Variants in SORCS3 observed in about 807,000 individuals in gnomAD.
The protein encoded by SORCS3 is sortilin related VPS10 domain containing receptor 3.
A neutral mutation model predicts 146.3 loss-of-function variants in SORCS3; 57 were observed. The ratio of observed to expected loss-of-function variants is 0.39; its 90% confidence interval spans 0.31 to 0.49. The LOEUF is 0.49. Ranked by LOEUF, SORCS3 falls within the 20% of genes least tolerant of loss-of-function variation. The pLI, the probability that SORCS3 is intolerant of heterozygous loss-of-function variation, is 0.92. For missense variants in SORCS3, 1,341 were observed against 1,575.5 expected, an observed-to-expected ratio of 0.85 and a Z score of 2.52; for synonymous variants, 653 against 618.5, an observed-to-expected ratio of 1.06 and a Z score of -0.83.
chr10:104,978,087 G>A (rs2054911870), intron 4 of SORCS3, among the ~76,000 whole-genome samples: 1 of 152,080 alleles, frequency 6.6e-6, no homozygotes, highest in South Asian at 2.1e-4. Flanking sequence ...AAACAACCCT[G>A]TGAAAGAAGT....
intron 7 of SORCS3, among the ~76,000 whole-genome samples, chr10:105,106,407 G>A (rs1028843791): frequency 6.6e-6 from 1 of 152,180 alleles, no homozygotes; most frequent in African/African-American, 2.4e-5. Context: ...CAAGCTCAGT[G>A]TGACTCTCCA....
intron 16 of SORCS3, among the ~76,000 whole-genome samples, chr10:105,210,461 A>T (rs2056626714): frequency 6.6e-6 from 1 of 152,158 alleles, no homozygotes; most frequent in African/African-American, 2.4e-5. Context: ...AGTCTTCTGA[A>T]ACTCCAAGAA....
intron 1 of SORCS3, among the ~76,000 whole-genome samples, chr10:104,652,959 C>T (rs1396455078): frequency 6.6e-6 from 1 of 152,168 alleles, no homozygotes; most frequent in Non-Finnish European, 1.5e-5. Context: ...TAGCATAAGA[C>T]ATGTGCTAAT....
intron 24 of SORCS3, among the ~76,000 whole-genome samples, chr10:105,256,164 T>C (rs1306512924): frequency 6.6e-6 from 1 of 152,232 alleles, no homozygotes; most frequent in African/African-American, 2.4e-5. Flanking sequence ...TTCGATTATC[T>C]GATTTTATGA....
chr10:104,959,033 G>C (rs1286289476), intron 3 of SORCS3, among the ~76,000 whole-genome samples: 1 of 152,120 alleles, frequency 6.6e-6, no homozygotes, highest in African/African-American at 2.4e-5. Context: ...GGGGCATGGA[G>C]ACAAACCATA....
intron 3 of SORCS3, among the ~76,000 whole-genome samples, chr10:104,923,243 A>T (rs768088994): frequency 1.3e-5 from 2 of 152,134 alleles, no homozygotes; most frequent in Non-Finnish European, 2.9e-5. Context: ...ATCCACATTT[A>T]ATTTCTGTGG....
At chr10:105,059,142 G>T (rs1056574850) in intron 5 of SORCS3, among the ~76,000 whole-genome samples, 1 of 152,020 alleles carries the variant, frequency 6.6e-6, no homozygotes, top group African/African-American at 2.4e-5. Context: ...GAAAACCAGG[G>T]AGACAAATTA....
At chr10:104,879,063 T>A (rs566011136) in intron 2 of SORCS3, among the ~76,000 whole-genome samples, 7 of 152,352 alleles carry the variant, frequency 4.6e-5, no homozygotes, top group Admixed American at 1.3e-4. Flanking sequence ...AGGATTCAAC[T>A]TTGGAGCACT....
chr10:105,132,738 G>C (rs1160574897), intron 7 of SORCS3, among the ~76,000 whole-genome samples: 1 of 152,152 alleles, frequency 6.6e-6, no homozygotes, highest in African/African-American at 2.4e-5. Context: ...AATTAAACCT[G>C]TAAAATGGAA....
At chr10:105,194,274 A>G (rs1163234743) in intron 14 of SORCS3, among the ~76,000 whole-genome samples, 1 of 152,176 alleles carries the variant, frequency 6.6e-6, no homozygotes, top group Non-Finnish European at 1.5e-5. Context: ...ATTTTGAGCC[A>G]AGCCTATTGA....
At chr10:104,903,278 AT>A (rs1564709751) in intron 2 of SORCS3, among the ~76,000 whole-genome samples, 1 of 152,192 alleles carries the variant, frequency 6.6e-6, no homozygotes, top group Non-Finnish European at 1.5e-5. Context: ...TGCCACAGTG[AT>A]TTAGGGTGAC....
chr10:104,886,559 T>TATCTATCTATCC (rs1554857183), intron 2 of SORCS3, among the ~76,000 whole-genome samples: 53 of 66,488 alleles, frequency 8.0e-4, no homozygotes, highest in Non-Finnish European at 1.9e-3. Context: ...CTCTATCATC[T>TATCTATCTATCC]ATCTATCTAT....
chr10:105,054,529 A>C (rs2055433660), intron 5 of SORCS3, among the ~76,000 whole-genome samples: 1 of 151,786 alleles, frequency 6.6e-6, no homozygotes. Flanking sequence ...TAACTTAATA[A>C]TTTTCCATAC....
At chr10:104,969,640 C>T (rs1278629412) in intron 3 of SORCS3, among the ~76,000 whole-genome samples, 1 of 152,050 alleles carries the variant, frequency 6.6e-6, no homozygotes, top group African/African-American at 2.4e-5. Flanking sequence ...ATGAGAATGT[C>T]AGAGAAAGGT....
intron 7 of SORCS3, among the ~76,000 whole-genome samples, chr10:105,109,357 A>T (rs17118366): frequency 0.11 from 17,122 of 151,876 alleles, 1,047 homozygotes; most frequent in East Asian, 0.17. Context: ...CCTTTTTCCA[A>T]CCCCAGTTTG....
intron 1 of SORCS3, among the ~76,000 whole-genome samples, chr10:104,732,372 G>T (rs1356012131): frequency 6.6e-6 from 1 of 152,216 alleles, no homozygotes; most frequent in Non-Finnish European, 1.5e-5. Context: ...GTTCTCTGTT[G>T]TCTTTGAACA....
At chr10:104,819,193 G>A (rs770029835) in intron 1 of SORCS3, among the ~76,000 whole-genome samples, 1 of 152,096 alleles carries the variant, frequency 6.6e-6, no homozygotes, top group Non-Finnish European at 1.5e-5. Context: ...GATTCACCTG[G>A]ATAGCCTATA....
chr10:104,733,133 T>C (rs969047648), intron 1 of SORCS3, among the ~76,000 whole-genome samples: 1 of 152,186 alleles, frequency 6.6e-6, no homozygotes, highest in African/African-American at 2.4e-5. Flanking sequence ...TGCTTTATGC[T>C]GCTGAAAATG....
At chr10:104,859,835 C>A (rs1308426218) in intron 2 of SORCS3, among the ~76,000 whole-genome samples, 2 of 150,218 alleles carry the variant, frequency 1.3e-5, no homozygotes, top group Non-Finnish European at 3.0e-5. Context: ...TCATCACTGG[C>A]CATCAGAGAA....
Sources: gnomAD v4.1 joint callset for allele counts (sites outside exome capture counted in the v4.1 genomes callset) on GRCh38, gnomAD v4.1.1 for gene constraint, MANE v1.5 for transcripts, NCBI Gene and HGNC (gene_info 2026-07-23, HGNC 2026-07-21) for gene names.